Variants in FOXN3 observed in about 807,000 individuals in gnomAD.
FOXN3 encodes the protein forkhead box N3.
FOXN3 carries 7 observed loss-of-function variants against 38.4 expected under a neutral mutation model. The ratio of observed to expected loss-of-function variants is 0.18; its 90% CI spans 0.10 to 0.34. The LOEUF (loss-of-function observed/expected upper bound fraction) is 0.34, where lower values mean the gene tolerates loss of function less well. Among genes scored for constraint, FOXN3 ranks in the 10% least tolerant of loss-of-function variants. The probability of loss-of-function intolerance (pLI) is 1.00; values close to 1 mark genes in which losing one functional copy is unlikely to be tolerated. For missense variants in FOXN3, 456 were observed against 613.4 expected (o/e 0.74, Z 2.71); for synonymous variants, 230 against 242.2 (o/e 0.95, Z 0.47).
intron 2 of FOXN3, among the ~76,000 whole-genome samples, chr14:89,356,002 C>A (rs534147294): frequency 6.6e-6 from 1 of 150,784 alleles, no homozygotes; most frequent in East Asian, 2.0e-4. Flanking sequence ...GGAGGGATAG[C>A]CTGTAACAAT....
intron 2 of FOXN3, among the ~76,000 whole-genome samples, chr14:89,382,517 T>C (rs1890676838): frequency 6.6e-6 from 1 of 152,198 alleles, no homozygotes; most frequent in African/African-American, 2.4e-5. Flanking sequence ...TCTCTCCAAA[T>C]GCATCTATAC....
chr14:89,344,486 G>C (rs1888709402), intron 3 of FOXN3, among the ~76,000 whole-genome samples: 1 of 152,210 alleles, frequency 6.6e-6, no homozygotes, highest in Admixed American at 6.5e-5. Context: ...ACCATGGTGA[G>C]AGAGGATTAA....
chr14:89,336,613 T>C (rs3783854), intron 3 of FOXN3, among the ~76,000 whole-genome samples: 6 of 152,086 alleles, frequency 3.9e-5, no homozygotes, highest in African/African-American at 1.2e-4. Context: ...AGGCACGTGA[T>C]AGCCTCTCAC....
intron 4 of FOXN3, among the ~76,000 whole-genome samples, chr14:89,279,570 C>T (rs1320260263): frequency 6.6e-6 from 1 of 152,122 alleles, no homozygotes; most frequent in Non-Finnish European, 1.5e-5. Flanking sequence ...GAAAAGAACC[C>T]AAAGGCTGAT....
At chr14:89,339,992 T>C (rs1888569916) in intron 3 of FOXN3, among the ~76,000 whole-genome samples, 1 of 151,674 alleles carries the variant, frequency 6.6e-6, no homozygotes, top group Non-Finnish European at 1.5e-5. Context: ...TTCAGAAGAA[T>C]CCTAAGATAA....
At chr14:89,275,518 C>G (rs1347313117) in intron 4 of FOXN3, among the ~76,000 whole-genome samples, 1 of 152,172 alleles carries the variant, frequency 6.6e-6, no homozygotes, top group East Asian at 1.9e-4. Flanking sequence ...GAGACCAGAA[C>G]CCAGGTCCCT....
At chr14:89,284,151 G>A (rs183248219) in intron 3 of FOXN3, among the ~76,000 whole-genome samples, 64 of 152,282 alleles carry the variant, frequency 4.2e-4, no homozygotes, top group African/African-American at 1.4e-3. Flanking sequence ...TTGCAGGGGT[G>A]AGCCACCATG....
At chr14:89,354,614 G>A (rs1412281893) in intron 2 of FOXN3, among the ~76,000 whole-genome samples, 1 of 150,830 alleles carries the variant, frequency 6.6e-6, no homozygotes, top group East Asian at 2.0e-4. Flanking sequence ...CAGCACTTTG[G>A]GAGGCCGAGG....
At chr14:89,503,965 A>G (rs1428469971) in intron 1 of FOXN3, among the ~76,000 whole-genome samples, 3 of 152,152 alleles carry the variant, frequency 2.0e-5, no homozygotes, top group African/African-American at 7.2e-5. Flanking sequence ...ATTTATCTAC[A>G]TAGCTACAAA....
At chr14:89,404,184 G>C (rs1463661002) in intron 2 of FOXN3, among the ~76,000 whole-genome samples, 1 of 152,154 alleles carries the variant, frequency 6.6e-6, no homozygotes, top group Non-Finnish European at 1.5e-5. Context: ...CTGACTGGAA[G>C]AAGAAGGAAC....
At chr14:89,230,065 C>T (rs918963205) in intron 4 of FOXN3, among the ~76,000 whole-genome samples, 1 of 152,206 alleles carries the variant, frequency 6.6e-6, no homozygotes, top group Non-Finnish European at 1.5e-5. Context: ...ATTCACTAGT[C>T]CAAAACCAAA....
intron 3 of FOXN3, among the ~76,000 whole-genome samples, chr14:89,311,429 G>A (rs1280639347): frequency 1.5e-5 from 2 of 134,938 alleles, no homozygotes; most frequent in East Asian, 2.2e-4. Context: ...CCAAGATCAC[G>A]CCATTGCACT....
At chr14:89,273,732 C>T (rs17188325) in intron 4 of FOXN3, among the ~76,000 whole-genome samples, 24,096 of 152,202 alleles carry the variant, frequency 0.16, 2,157 homozygotes, top group East Asian at 0.29. Flanking sequence ...GTAAATTCAC[C>T]GCTGATTGTA....
At chr14:89,241,348 A>G (rs1885134267) in intron 4 of FOXN3, among the ~76,000 whole-genome samples, 1 of 152,146 alleles carries the variant, frequency 6.6e-6, no homozygotes, top group Non-Finnish European at 1.5e-5. Flanking sequence ...CCACTTCCCT[A>G]TTAACTATCT....
intron 1 of FOXN3, among the ~76,000 whole-genome samples, chr14:89,564,218 T>A (rs1353355271): frequency 6.6e-6 from 1 of 152,134 alleles, no homozygotes; most frequent in Non-Finnish European, 1.5e-5. Context: ...AGGATCATTG[T>A]GATTACTAAA....
intron 1 of FOXN3, among the ~76,000 whole-genome samples, chr14:89,468,286 T>A (rs1056553387): frequency 1.2e-4 from 18 of 152,100 alleles, no homozygotes; most frequent in African/African-American, 4.3e-4. Flanking sequence ...AAACCCCGTC[T>A]CTACTGAAAA....
intron 4 of FOXN3, among the ~76,000 whole-genome samples, chr14:89,203,673 T>C (rs1888293134): frequency 6.6e-6 from 1 of 152,170 alleles, no homozygotes; most frequent in Non-Finnish European, 1.5e-5. Context: ...CAGGCAGATA[T>C]GCTGCTGGGC....
At chr14:89,336,557 C>G (rs540004899) in intron 3 of FOXN3, among the ~76,000 whole-genome samples, 2 of 152,156 alleles carry the variant, frequency 1.3e-5, no homozygotes, top group Non-Finnish European at 2.9e-5. Flanking sequence ...GAGGCCGGCT[C>G]AGGTCCCAGC....
chr14:89,517,594 G>A (rs971473304), intron 1 of FOXN3, among the ~76,000 whole-genome samples: 2 of 152,090 alleles, frequency 1.3e-5, no homozygotes, highest in African/African-American at 4.8e-5. Context: ...CGGTCAAGAG[G>A]GAAATCCAGC....
Sources: allele counts gnomAD v4.1 joint callset (sites outside exome capture counted in the v4.1 genomes callset), GRCh38; gene constraint gnomAD v4.1.1; transcripts MANE v1.5; gene names NCBI Gene and HGNC (gene_info 2026-07-23, HGNC 2026-07-21).